Variants in MYH9 observed in about 807,000 individuals in gnomAD.
MYH9 encodes myosin-9.
Under a neutral mutation model 241.9 loss-of-function variants are expected in MYH9, and 29 were observed. That is an observed-to-expected ratio of 0.12 (90% CI 0.09 to 0.16). The LOEUF (loss-of-function observed/expected upper bound fraction) is 0.16, where lower values mean the gene tolerates loss of function less well. Among genes scored for constraint, MYH9 ranks in the 10% least tolerant of loss-of-function variants. The pLI is 1.00. For synonymous variants in MYH9, 1,047 were observed against 1,062.6 expected, an observed-to-expected ratio of 0.99 and a Z score of 0.29; for missense variants, 1,803 against 2,595.5, an observed-to-expected ratio of 0.69 and a Z score of 6.63.
rs571757200 is a variant in MYH9 at position 36,306,728 on chromosome 22, C to T, written c.1844-121G>A. 1 of 1,032,790 alleles carries T rather than the reference C, an allele frequency of 9.7e-7. No individual in the cohort carries two copies. The highest frequency in any genetic ancestry group is 1.4e-5 in the South Asian group (1 of 74,072). The allele number at this position is 1,032,790 out of a possible 1,614,324, so 64.0% of individuals were successfully genotyped here. A position where few individuals can be genotyped will look rare whatever the true frequency, so the allele number is the denominator to read the frequency against. The stretch of plus-strand genomic sequence containing the variant: ...GAAAAGAGGAGACAGAATGAAACAA[C>T]AGGACCCTTTCCAATTGGAGCCTAC... On this transcript the variant is annotated intron_variant, in intron 15 of 40. Transcript: ENST00000216181. The surrounding 1 kb of genome is among the most constrained non-coding windows in gnomAD (Gnocchi z 4.1).
intron 1 of MYH9, among the ~76,000 whole-genome samples, chr22:36,356,367 G>C (rs1603484204): frequency 2.6e-5 from 4 of 151,848 alleles, no homozygotes; most frequent in African/African-American, 9.7e-5. Flanking sequence ...GATCACCTGA[G>C]GTCAGGAGTT....
intron 18 of MYH9, 84 bp downstream of exon 18, chr22:36,304,949 T>C (rs980645869): frequency 5.9e-6 from 8 of 1,348,896 alleles, no homozygotes; most frequent in Admixed American, 3.4e-5. Flanking sequence ...ACCACTGATA[T>C]AGCAAGGTGG....
chr22:36,349,331 T>G, intron 1 of MYH9, 76 bp from the exon 2 acceptor site: 16 of 1,082,500 alleles, frequency 1.5e-5, no homozygotes, highest in Non-Finnish European at 1.9e-5. Flanking sequence ...CTCACACCTC[T>G]TCTCTTTGCA....
rs1384665716 is a variant in MYH9, at chr22:36,283,965, G to GGCA, written c.5765+125_5765+127dup. The GGCA allele has an allele frequency of 6.3e-6, 7 of 1,118,458 alleles. No individual in the cohort carries two copies. The African/African-American group carries it at 9.1e-5, about 15-fold the overall frequency. The allele number at this position is 1,118,458 out of a possible 1,614,324, so 69.3% of individuals were successfully genotyped here. A position where few individuals can be genotyped will look rare whatever the true frequency, so the allele number is the denominator to read the frequency against. ...GCCTCAAAGGCAAGGAGCCAGAAGG[G>GGCA]GCAGGGATTGCTTTGTGCAGTCCTT... On this transcript the variant is annotated intron_variant, in intron 40 of 40. Coordinates refer to ENST00000216181, the MANE Select transcript of MYH9 (RefSeq NM_002473.6).
At chr22:36,309,811 A>G (rs1426651489) in intron 14 of MYH9, among the ~76,000 whole-genome samples, 1 of 152,250 alleles carries the variant, frequency 6.6e-6, no homozygotes, top group African/African-American at 2.4e-5. Context: ...TCTTTTTAGA[A>G]TGTTCACATT....
intron 2 of MYH9, among the ~76,000 whole-genome samples, chr22:36,345,139 C>T (rs1407044708): frequency 2.6e-5 from 4 of 151,678 alleles, no homozygotes; most frequent in Non-Finnish European, 5.9e-5. Flanking sequence ...GGTGAAACCC[C>T]GTCTCCACTA....
chr22:36,317,699 C>T (rs144097274), intron 11 of MYH9, among the ~76,000 whole-genome samples: 270 of 152,350 alleles, frequency 1.8e-3, no homozygotes, highest in African/African-American at 5.1e-3. Flanking sequence ...CTGGGCGGGA[C>T]CTCCACTCCA....
intron 1 of MYH9, among the ~76,000 whole-genome samples, chr22:36,361,986 T>C (rs953590278): frequency 8.5e-5 from 13 of 152,252 alleles, no homozygotes; most frequent in African/African-American, 3.1e-4. Flanking sequence ...CAAGAATTGC[T>C]TGAACCCAGG....
intron 1 of MYH9, among the ~76,000 whole-genome samples, chr22:36,360,426 A>C (rs2017919894): frequency 6.6e-6 from 1 of 152,136 alleles, no homozygotes; most frequent in African/African-American, 2.4e-5. Flanking sequence ...AAATCTGCTT[A>C]ACTTAGGCCG....
intron 20 of MYH9, 94 bp downstream of exon 20, chr22:36,302,474 C>T: frequency 8.9e-7 from 1 of 1,123,552 alleles, no homozygotes; most frequent in African/African-American, 1.5e-5. Flanking sequence ...ATGGTGAGAC[C>T]ACACCTCTAC....
At chr22:36,357,209 A>C (rs1367582916) in intron 1 of MYH9, among the ~76,000 whole-genome samples, 1 of 152,154 alleles carries the variant, frequency 6.6e-6, no homozygotes, top group Middle Eastern at 3.2e-3. Flanking sequence ...TTCCTTGGAC[A>C]CTCAAGCGAA....
intron 11 of MYH9, among the ~76,000 whole-genome samples, 178 bp downstream of exon 11, chr22:36,318,029 C>T (rs2146360842): frequency 6.6e-6 from 1 of 152,348 alleles, no homozygotes; most frequent in African/African-American, 2.4e-5. Context: ...GAAGCTTCTC[C>T]AGTGCTCTAG....
At chr22:36,348,188 T>A (rs918598922) in intron 2 of MYH9, among the ~76,000 whole-genome samples, 4 of 150,118 alleles carry the variant, frequency 2.7e-5, no homozygotes, top group African/African-American at 4.8e-5. Context: ...GAAGATTTTT[T>A]AAAGATATTA....
intron 13 of MYH9, among the ~76,000 whole-genome samples, chr22:36,313,895 T>C (rs1022116888): frequency 6.6e-6 from 1 of 152,178 alleles, no homozygotes; most frequent in Admixed American, 6.5e-5. Flanking sequence ...CCGCCACATA[T>C]GCACCTGGTC....
chr22:36,313,384 G>A (rs576788434), intron 13 of MYH9, among the ~76,000 whole-genome samples: 125 of 147,626 alleles, frequency 8.5e-4, no homozygotes, highest in Admixed American at 1.4e-3. Context: ...CCCGGAAGGC[G>A]GAGCTTGCAG....
At position 36,288,206 on chromosome 22, in the gene MYH9, T is replaced by C; in HGVS notation, c.4932+46A>G. ...CCTGGCACCTTCATATGTAGTTGGCTCAGTCGGGTGCCGCCCACCCTCACC... is the reference window on the plus strand; with the variant it reads ...CCTGGCACCTTCATATGTAGTTGGCCCAGTCGGGTGCCGCCCACCCTCACC... On this transcript the variant is annotated intron_variant, in intron 34 of 40. Coordinates refer to ENST00000216181, the MANE Select transcript of MYH9 (RefSeq NM_002473.6). This position sits in a 1 kb window ranked among gnomAD's most constrained non-coding sequence, Gnocchi z 4.8. 1 of 1,609,824 alleles carries C rather than the reference T, an allele frequency of 6.2e-7. No individual in the cohort carries two copies.
intron 34 of MYH9, 134 bp from the exon 35 acceptor site, chr22:36,286,980 G>A (rs922631655): frequency 5.2e-6 from 7 of 1,346,454 alleles, no homozygotes; most frequent in Admixed American, 1.8e-5. Context: ...TAACCGTGGT[G>A]ACAGGGCAAA....
chr22:36,297,703 T>C (rs552342872), intron 24 of MYH9, among the ~76,000 whole-genome samples: 38 of 152,334 alleles, frequency 2.5e-4, no homozygotes, highest in African/African-American at 8.7e-4. Context: ...AACTTACTTA[T>C]GTACCCGTCC....
chr22:36,333,440 C>A (rs1187563108), intron 3 of MYH9, among the ~76,000 whole-genome samples: 2 of 152,188 alleles, frequency 1.3e-5, no homozygotes, highest in Non-Finnish European at 2.9e-5. Flanking sequence ...GAGACAAGAT[C>A]TTCAGGAAGA....
Sources: allele counts gnomAD v4.1 joint callset (sites outside exome capture counted in the v4.1 genomes callset), GRCh38; gene constraint gnomAD v4.1.1; non-coding constraint Gnocchi (gnomAD v3.1); transcripts MANE v1.5; gene names NCBI Gene and HGNC (gene_info 2026-07-23, HGNC 2026-07-21).